RIN3: variants seen among roughly 807,000 people sequenced by gnomAD.
The protein encoded by RIN3 is Ras and Rab interactor 3.
Under a neutral mutation model 76.3 loss-of-function variants are expected in RIN3, and 54 were observed. The ratio of observed to expected loss-of-function variants is 0.71; its 90% CI spans 0.57 to 0.89. RIN3 has a LOEUF of 0.89. Ranked by LOEUF, RIN3 falls within the 40% of genes least tolerant of loss-of-function variation. RIN3 has a pLI of 0.00. For missense variants in RIN3, 1,256 were observed against 1,322.1 expected, an observed-to-expected ratio of 0.95 and a Z score of 0.78; for synonymous variants, 576 against 564.0, an observed-to-expected ratio of 1.02 and a Z score of -0.30.
rs1184770395 is a variant in RIN3, at chr14:92,648,192, C to T, written c.533-3390C>T. Among the ~76,000 whole-genome samples the T allele has an allele frequency of 6.6e-6, 1 of 152,034 alleles. No individual in the cohort carries two copies. The highest frequency in any genetic ancestry group is 2.4e-5 in the African/African-American group (1 of 41,380). On this transcript the variant is annotated intron_variant, in intron 5 of 9. Coordinates refer to ENST00000216487, the MANE Select transcript of RIN3 (RefSeq NM_024832.5). The surrounding 1 kb of genome is among the most constrained non-coding windows in gnomAD (Gnocchi z 4.1). ...CAGCCCATTAGCTCCTGGCTTCCCCCACTCCTTGGAGTCACATTGGCTTTG... is the reference window on the plus strand; with the variant it reads ...CAGCCCATTAGCTCCTGGCTTCCCCTACTCCTTGGAGTCACATTGGCTTTG...
At chr14:92,621,695 G>A (rs1886189894) in intron 4 of RIN3, among the ~76,000 whole-genome samples, 1 of 152,182 alleles carries the variant, frequency 6.6e-6, no homozygotes, top group Non-Finnish European at 1.5e-5. Flanking sequence ...TCTCATAGTG[G>A]CTGCCCTTAG....
intron 1 of RIN3, among the ~76,000 whole-genome samples, chr14:92,537,180 A>G (rs559040645): frequency 2.6e-5 from 4 of 152,162 alleles, no homozygotes; most frequent in Non-Finnish European, 4.4e-5. Flanking sequence ...TACAGTATAC[A>G]TACTGGTTTA....
chr14:92,618,493 C>T (rs1478084452), intron 4 of RIN3, among the ~76,000 whole-genome samples: 1 of 152,126 alleles, frequency 6.6e-6, no homozygotes, highest in Non-Finnish European at 1.5e-5. Flanking sequence ...ATGTGGATGG[C>T]AAGGACAGTC....
rs1211129925 is a variant in RIN3 at position 92,648,395 on chromosome 14, T to C, written c.533-3187T>C. Among the ~76,000 whole-genome samples, 3 of 152,246 alleles carry C rather than the reference T, an allele frequency of 2.0e-5. 1 individual carries two copies. Among genetic ancestry groups the C allele is most frequent in the Non-Finnish European group, 4.4e-5 (3 of 68,038 alleles). ...ATGTTGTCTTCTGTTCTGTGCCTAA[T>C]GGAGCCATCCTGTCCCGTGGCAGGC... On this transcript the variant is annotated intron_variant, in intron 5 of 9. Coordinates refer to ENST00000216487, the MANE Select transcript of RIN3 (RefSeq NM_024832.5). This position sits in a 1 kb window ranked among gnomAD's most constrained non-coding sequence, Gnocchi z 4.1.
intron 1 of RIN3, among the ~76,000 whole-genome samples, chr14:92,517,773 C>T (rs58699288): frequency 0.1 from 15,550 of 152,148 alleles, 2,662 homozygotes; most frequent in African/African-American, 0.36. Flanking sequence ...ACTTTAATGA[C>T]TTCCAAACTG....
intron 3 of RIN3, among the ~76,000 whole-genome samples, chr14:92,603,955 G>T (rs1033637808): frequency 6.6e-6 from 1 of 152,256 alleles, no homozygotes; most frequent in Non-Finnish European, 1.5e-5. Context: ...CCTTTGGATA[G>T]TAAGCCCTGT....
In RIN3 at chr14:92,514,811, T is replaced by C. The variant is rs1313827969; in HGVS notation, c.44+835T>C. Among the ~76,000 whole-genome samples, 1 of 152,182 alleles carries C rather than the reference T, an allele frequency of 6.6e-6. No homozygotes were observed. Among genetic ancestry groups the C allele is most frequent in the East Asian group, 1.9e-4 (1 of 5,182 alleles). On this transcript the variant is annotated intron_variant, in intron 1 of 9. Transcript: ENST00000216487. The surrounding 1 kb of genome is among the most constrained non-coding windows in gnomAD (Gnocchi z 7.2). ...CAGCTCAGAGGGCGTCCTGAGAAGCTTCAGGTGTTGTAGAGACGCCCGGTC... is the reference window on the plus strand; with the variant it reads ...CAGCTCAGAGGGCGTCCTGAGAAGCCTCAGGTGTTGTAGAGACGCCCGGTC...
chr14:92,628,800 TA>T (rs1382326060), intron 4 of RIN3, among the ~76,000 whole-genome samples: 6 of 152,162 alleles, frequency 3.9e-5, no homozygotes, highest in Non-Finnish European at 5.9e-5. Context: ...ATATTTTTTT[TA>T]AAAAAAAGAA....
chr14:92,658,534 A>C (rs1223304191), intron 6 of RIN3, among the ~76,000 whole-genome samples: 2 of 152,242 alleles, frequency 1.3e-5, no homozygotes, highest in Non-Finnish European at 2.9e-5. Flanking sequence ...TGTTACGATC[A>C]AAGATGTCAT....
chr14:92,647,610 T>A (rs186495332), intron 5 of RIN3, among the ~76,000 whole-genome samples: 14 of 152,356 alleles, frequency 9.2e-5, no homozygotes, highest in Admixed American at 7.2e-4. Flanking sequence ...TTTGACTGAC[T>A]GTGTAACAGC....
intron 3 of RIN3, among the ~76,000 whole-genome samples, chr14:92,582,923 A>G (rs953258003): frequency 3.9e-5 from 6 of 152,138 alleles, no homozygotes; most frequent in Admixed American, 2.6e-4. Context: ...CTCCTCCTTG[A>G]CACAGCAGTT....
intron 1 of RIN3, among the ~76,000 whole-genome samples, chr14:92,545,169 G>T (rs1483422553): frequency 1.4e-5 from 2 of 140,830 alleles, no homozygotes; most frequent in South Asian, 4.6e-4. Flanking sequence ...GAGTGCAGTG[G>T]CACAGTCTCC....
At chr14:92,661,197 C>T (rs1887870535) in intron 7 of RIN3, among the ~76,000 whole-genome samples, 2 of 152,192 alleles carry the variant, frequency 1.3e-5, no homozygotes, top group Non-Finnish European at 2.9e-5. Flanking sequence ...CAGCACCTGG[C>T]AGGCTCAACA....
In RIN3 at chr14:92,514,557, G is replaced by A. The variant is rs540681895; in HGVS notation, c.44+581G>A. Among the ~76,000 whole-genome samples, 2 of 152,354 alleles carry A rather than the reference G, an allele frequency of 1.3e-5. No individual in the cohort carries two copies. The highest frequency in any genetic ancestry group is 2.1e-4 in the South Asian group (1 of 4,828). The stretch of plus-strand genomic sequence containing the variant: ...CCGCCCCTCTGCCCTGGCCGTAGAC[G>A]GTGACCTTCGGACCGGCCCTGGTCG... On this transcript the variant is annotated intron_variant, in intron 1 of 9. Transcript: ENST00000216487. This position sits in a 1 kb window ranked among gnomAD's most constrained non-coding sequence, Gnocchi z 7.2.
chr14:92,572,468 G>A (rs1898088232), intron 2 of RIN3, among the ~76,000 whole-genome samples: 1 of 152,218 alleles, frequency 6.6e-6, no homozygotes, highest in Non-Finnish European at 1.5e-5. Flanking sequence ...TTGGGAGACT[G>A]TGTTTCCCTG....
chr14:92,554,343 A>G (rs766015549), intron 1 of RIN3, among the ~76,000 whole-genome samples: 7 of 152,192 alleles, frequency 4.6e-5, no homozygotes, highest in African/African-American at 7.2e-5. Context: ...AACTGTGAAC[A>G]GTAGGCAGTG....
intron 3 of RIN3, among the ~76,000 whole-genome samples, chr14:92,594,193 G>A (rs1268180862): frequency 1.3e-5 from 2 of 150,378 alleles, no homozygotes; most frequent in Non-Finnish European, 3.0e-5. Context: ...AGCACTTTGG[G>A]AGGCCAAGGC....
At chr14:92,560,991 A>ACTGCTCTTGTT (rs1313410762) in intron 2 of RIN3, among the ~76,000 whole-genome samples, 1 of 133,714 alleles carries the variant, frequency 7.5e-6, no homozygotes, top group East Asian at 2.2e-4. Context: ...ACTGCACTCC[A>ACTGCTCTTGTT]GCCTGGGCAA....
At position 92,656,366 on chromosome 14, in the gene RIN3, G is replaced by A. The variant is rs1423700238; in HGVS notation, c.2027-2795G>A. Among the ~76,000 whole-genome samples the A allele has an allele frequency of 6.6e-6, 1 of 152,212 alleles. No homozygotes were observed. Among genetic ancestry groups the A allele is most frequent in the Non-Finnish European group, 1.5e-5 (1 of 68,050 alleles). On this transcript the variant is annotated intron_variant, in intron 6 of 9. Coordinates refer to ENST00000216487, the MANE Select transcript of RIN3 (RefSeq NM_024832.5). This position sits in a 1 kb window ranked among gnomAD's most constrained non-coding sequence, Gnocchi z 5.2. ...GTGATGGAGCCCCTGAAGGGTGTGT[G>A]TGGAGGGCAGAGGAGAGGGGACAAG...
Sources: gnomAD v4.1 joint callset for allele counts (sites outside exome capture counted in the v4.1 genomes callset) on GRCh38, gnomAD v4.1.1 for gene constraint, Gnocchi (gnomAD v3.1) non-coding constraint, MANE v1.5 for transcripts, NCBI Gene and HGNC (gene_info 2026-07-23, HGNC 2026-07-21) for gene names.